The following YAP1 variants were observed in gnomAD, a reference collection of about 807,000 sequenced individuals.
YAP1 encodes the protein transcriptional coactivator YAP1.
A neutral mutation model predicts 56.9 loss-of-function variants in YAP1; 5 were observed. The ratio of observed to expected loss-of-function variants is 0.09; its 90% CI spans 0.05 to 0.18. The LOEUF (loss-of-function observed/expected upper bound fraction) is 0.18, where lower values mean the gene tolerates loss of function less well. YAP1 is among the 10% of genes least tolerant of loss of function. The probability of loss-of-function intolerance (pLI) is 1.00; values close to 1 mark genes in which losing one functional copy is unlikely to be tolerated. For synonymous variants in YAP1, 265 were observed against 248.1 expected (o/e 1.07, Z -0.64); for missense variants, 539 against 651.8 (o/e 0.83, Z 1.88).
chr11:102,154,302 T>G (rs1945825350), intron 2 of YAP1, among the ~76,000 whole-genome samples: 1 of 152,176 alleles, frequency 6.6e-6, no homozygotes. Flanking sequence ...ACAACTGTGT[T>G]CTCTTGCTTT....
chr11:102,150,073 C>G (rs1327128007), intron 2 of YAP1, among the ~76,000 whole-genome samples: 1 of 135,554 alleles, frequency 7.4e-6, no homozygotes, highest in Non-Finnish European at 1.5e-5. Context: ...CAACTTCCGT[C>G]TAGTGGATTC....
At chr11:102,158,141 T>C (rs1946060312) in intron 2 of YAP1, among the ~76,000 whole-genome samples, 1 of 152,202 alleles carries the variant, frequency 6.6e-6, no homozygotes, top group Non-Finnish European at 1.5e-5. Context: ...AAATCGGTTT[T>C]ACAAGTTTTT....
At chr11:102,208,075 A>C (rs982814224) in intron 5 of YAP1, among the ~76,000 whole-genome samples, 13 of 152,204 alleles carry the variant, frequency 8.5e-5, no homozygotes, top group African/African-American at 3.1e-4. Context: ...ACAGAGGAAA[A>C]GACTAAAAAT....
At chr11:102,123,648 T>C (rs147054551) in intron 2 of YAP1, among the ~76,000 whole-genome samples, 6 of 10,306 alleles carry the variant, frequency 5.8e-4, no homozygotes, top group South Asian at 0.011. Flanking sequence ...TTTTTTTTCT[T>C]TTTTTTTTCG....
intron 6 of YAP1, among the ~76,000 whole-genome samples, chr11:102,212,859 G>T (rs1334349446): frequency 6.6e-6 from 1 of 152,162 alleles, no homozygotes; most frequent in African/African-American, 2.4e-5. Context: ...GGGATTACAG[G>T]CATGAGCCAC....
intron 2 of YAP1, among the ~76,000 whole-genome samples, chr11:102,137,101 T>C (rs2135266327): frequency 6.6e-6 from 1 of 152,338 alleles, no homozygotes; most frequent in African/African-American, 2.4e-5. Context: ...GGTAAAAACA[T>C]CTGTCTCCTT....
At chr11:102,159,020 T>G (rs1223270155) in intron 2 of YAP1, among the ~76,000 whole-genome samples, 1 of 152,242 alleles carries the variant, frequency 6.6e-6, no homozygotes, top group Non-Finnish European at 1.5e-5. Context: ...AAAAATTGAT[T>G]GTATGGAAAG....
At chr11:102,205,168 T>TA (rs1352028299) in intron 4 of YAP1, among the ~76,000 whole-genome samples, 1 of 151,756 alleles carries the variant, frequency 6.6e-6, no homozygotes, top group Non-Finnish European at 1.5e-5. Context: ...TTTTTTTTTT[T>TA]ACTACCTAGG....
intron 7 of YAP1, among the ~76,000 whole-genome samples, chr11:102,224,770 A>G (rs1281295540): frequency 6.6e-6 from 1 of 152,242 alleles, no homozygotes; most frequent in African/African-American, 2.4e-5. Flanking sequence ...TCTGACATAC[A>G]CTTTAAAGTT....
intron 2 of YAP1, among the ~76,000 whole-genome samples, chr11:102,142,176 G>C (rs977557931): frequency 1.3e-5 from 2 of 151,688 alleles, no homozygotes; most frequent in African/African-American, 4.8e-5. Flanking sequence ...TGATATTTTG[G>C]AGGAAAATGA....
intron 2 of YAP1, among the ~76,000 whole-genome samples, chr11:102,137,781 C>G (rs1228626101): frequency 6.8e-6 from 1 of 147,228 alleles, no homozygotes; most frequent in East Asian, 2.0e-4. Flanking sequence ...CATGGAGTTC[C>G]TTTTCTCAAT....
At chr11:102,215,973 A>G (rs1271424319) in intron 6 of YAP1, among the ~76,000 whole-genome samples, 1 of 152,190 alleles carries the variant, frequency 6.6e-6, no homozygotes, top group African/African-American at 2.4e-5. Flanking sequence ...TCTAGCCAAA[A>G]AACAACAACC....
In YAP1 at chr11:102,133,336, C is replaced by T. The variant is rs143184813; in HGVS notation, c.572+18942C>T. 5.3e-3 allele frequency among the ~76,000 whole-genome samples: 802 copies of T among 152,184 alleles called. 6 individuals are homozygous for T. Among genetic ancestry groups the T allele is most frequent in the African/African-American group, 0.018 (765 of 41,532 alleles). On this transcript the variant is annotated intron_variant, in intron 2 of 8. Coordinates refer to ENST00000282441, the MANE Select transcript of YAP1 (RefSeq NM_001130145.3). ...TTTGGGACAGAGTCTCACTCTGCTA[C>T]CCCAGGGATGGAGTACAGTGGCGAT...
chr11:102,181,901 A>G (rs1427824120), intron 3 of YAP1, among the ~76,000 whole-genome samples: 6 of 152,000 alleles, frequency 3.9e-5, no homozygotes, highest in Admixed American at 2.6e-4. Context: ...GCTCACTGCA[A>G]CCTCCACCTC....
intron 4 of YAP1, among the ~76,000 whole-genome samples, chr11:102,203,468 A>C (rs1391253802): frequency 6.6e-6 from 1 of 152,222 alleles, no homozygotes; most frequent in African/African-American, 2.4e-5. Context: ...TTTTTAAAGA[A>C]GGCCCTGTCT....
intron 3 of YAP1, among the ~76,000 whole-genome samples, chr11:102,174,712 A>C (rs1347874837): frequency 6.6e-6 from 1 of 152,142 alleles, no homozygotes; most frequent in Non-Finnish European, 1.5e-5. Flanking sequence ...CTTTGGTTGT[A>C]TTTGGTGGCA....
chr11:102,143,532 C>T (rs1472117271), intron 2 of YAP1, among the ~76,000 whole-genome samples: 2 of 152,184 alleles, frequency 1.3e-5, no homozygotes, highest in Non-Finnish European at 2.9e-5. Flanking sequence ...GCACACCCCC[C>T]ATATCTGCCC....
At chr11:102,188,512 T>G (rs1371944342) in intron 4 of YAP1, among the ~76,000 whole-genome samples, 3 of 152,246 alleles carry the variant, frequency 2.0e-5, no homozygotes, top group Non-Finnish European at 4.4e-5. Flanking sequence ...AACGTTTCAG[T>G]CAGCGGCAGA....
intron 3 of YAP1, among the ~76,000 whole-genome samples, chr11:102,168,527 A>G (rs1306787007): frequency 6.6e-6 from 1 of 152,236 alleles, no homozygotes; most frequent in Non-Finnish European, 1.5e-5. Context: ...TTTATTTGAC[A>G]GTTCCCAACT....
Sources: allele counts gnomAD v4.1 joint callset (sites outside exome capture counted in the v4.1 genomes callset), GRCh38; gene constraint gnomAD v4.1.1; transcripts MANE v1.5; gene names NCBI Gene and HGNC (gene_info 2026-07-23, HGNC 2026-07-21).